CPQ: variants seen among roughly 807,000 people sequenced by gnomAD.
CPQ encodes the protein Ser-Met dipeptidase.
CPQ carries 37 observed loss-of-function variants against 45.7 expected under a neutral mutation model. That is an observed-to-expected ratio of 0.81 (90% CI 0.62 to 1.07). The LOEUF is 1.07. Ranked by LOEUF, CPQ falls within the 50% of genes least tolerant of loss-of-function variation. The pLI is 0.00. For synonymous variants in CPQ, 186 were observed against 205.8 expected (o/e 0.90, Z 0.82); for missense variants, 537 against 572.9 (o/e 0.94, Z 0.64).
intron 5 of CPQ, among the ~76,000 whole-genome samples, chr8:97,017,010 C>A (rs2130448546): frequency 6.6e-6 from 1 of 152,224 alleles, no homozygotes; most frequent in Middle Eastern, 3.4e-3. Flanking sequence ...CCAAGAGAAC[C>A]CATAGACCCT....
chr8:96,766,088 A>G (rs1280686951), intron 1 of CPQ, among the ~76,000 whole-genome samples: 1 of 152,184 alleles, frequency 6.6e-6, no homozygotes, highest in Non-Finnish European at 1.5e-5. Context: ...CTCTATGACA[A>G]TGAGCAAATC....
intron 7 of CPQ, among the ~76,000 whole-genome samples, chr8:97,104,359 G>T (rs778498319): frequency 6.6e-6 from 1 of 151,950 alleles, no homozygotes; most frequent in Non-Finnish European, 1.5e-5. Context: ...CTATAATTTC[G>T]CTCTGGCTTC....
In CPQ at chr8:97,104,166, G is replaced by C. The variant is rs754398923; in HGVS notation, c.1255+37956G>C. 3.3e-5 allele frequency among the ~76,000 whole-genome samples: 5 copies of C among 152,230 alleles called. No individual in the cohort carries two copies. The East Asian group carries it at 9.6e-4, about 29-fold the overall frequency. ...GCTTCTAAATAATGATCATATCAAA[G>C]GTTTGCCTTTGGTTTCTGCTTATGA... is the stretch of plus-strand genomic sequence containing the variant. On this transcript the variant is annotated intron_variant, in intron 7 of 7. Transcript: ENST00000220763.
chr8:96,882,043 A>T (rs1812230632), intron 4 of CPQ, among the ~76,000 whole-genome samples: 1 of 152,204 alleles, frequency 6.6e-6, no homozygotes, highest in Non-Finnish European at 1.5e-5. Context: ...GCATTTGGTG[A>T]TGGAGAAACA....
intron 6 of CPQ, among the ~76,000 whole-genome samples, chr8:97,046,961 G>GT (rs201608185): frequency 0.016 from 2,477 of 151,940 alleles, 29 homozygotes; most frequent in Non-Finnish European, 0.024. Context: ...AAAGTAATTT[G>GT]TTTTTTTTCA....
chr8:97,098,755 T>C (rs1278918624), intron 7 of CPQ, among the ~76,000 whole-genome samples: 2 of 151,886 alleles, frequency 1.3e-5, no homozygotes, highest in Non-Finnish European at 1.5e-5. Context: ...TTGAGAAAAA[T>C]TAGCAGTAGA....
Position 96,737,355 on chromosome 8 carries a change from G to GATATATAT in CPQ, c.-34-47502_-34-47495dup, listed in dbSNP as rs372241683. On this transcript the variant is annotated intron_variant, in intron 1 of 7. Coordinates refer to ENST00000220763, the MANE Select transcript of CPQ (RefSeq NM_016134.4). ...ACACACTCACACAGAACTAATAGGAGATATATATATATATGAGTTTATTAA... is the reference window on the plus strand; with the variant it reads ...ACACACTCACACAGAACTAATAGGAGATATATATATATATATATATATGAGTTTATTAA... Among the ~76,000 whole-genome samples, 14 of 118,012 alleles carry GATATATAT rather than the reference G, an allele frequency of 1.2e-4. 1 individual carries two copies. Among genetic ancestry groups the GATATATAT allele is most frequent in the East Asian group, 4.7e-4 (2 of 4,238 alleles). The allele number at this position is 118,012 out of a possible 152,430, so 77.4% of individuals were successfully genotyped here. A position where few individuals can be genotyped will look rare whatever the true frequency, so the allele number is the denominator to read the frequency against.
chr8:97,014,137 G>C (rs1344354737), intron 5 of CPQ, among the ~76,000 whole-genome samples: 1 of 152,140 alleles, frequency 6.6e-6, no homozygotes, highest in Non-Finnish European at 1.5e-5. Context: ...CGAGAGGATT[G>C]GTGGAAGCAG....
At chr8:96,860,251 C>T (rs1326289250) in intron 3 of CPQ, among the ~76,000 whole-genome samples, 2 of 152,014 alleles carry the variant, frequency 1.3e-5, no homozygotes, top group African/African-American at 4.8e-5. Context: ...TCTAAGACAC[C>T]AAGTGAGTAA....
chr8:96,868,857 T>C (rs1396106234), intron 3 of CPQ, among the ~76,000 whole-genome samples: 1 of 152,002 alleles, frequency 6.6e-6, no homozygotes, highest in Non-Finnish European at 1.5e-5. Context: ...TCCACTGAAA[T>C]TGAACACCGT....
intron 7 of CPQ, among the ~76,000 whole-genome samples, chr8:97,074,908 A>G (rs1810816069): frequency 6.6e-6 from 1 of 152,162 alleles, no homozygotes; most frequent in Non-Finnish European, 1.5e-5. Flanking sequence ...GCAGTGGGCA[A>G]TGAGAATAGG....
chr8:96,712,501 G>A (rs773384096), intron 1 of CPQ, among the ~76,000 whole-genome samples: 24 of 152,158 alleles, frequency 1.6e-4, no homozygotes, highest in Non-Finnish European at 3.1e-4. Context: ...TGAAATCTAG[G>A]CAGAGCTTCC....
chr8:96,649,484 G>T (rs1815554258), intron 1 of CPQ, among the ~76,000 whole-genome samples: 1 of 152,234 alleles, frequency 6.6e-6, no homozygotes, highest in Admixed American at 6.5e-5. Context: ...TTTGAAGACA[G>T]AGCAGGATTA....
chr8:96,797,646 G>T (rs540806986), intron 2 of CPQ, among the ~76,000 whole-genome samples: 1 of 152,170 alleles, frequency 6.6e-6, no homozygotes, highest in African/African-American at 2.4e-5. Flanking sequence ...GCTGGGTGCG[G>T]TGGCTCACGC....
intron 6 of CPQ, among the ~76,000 whole-genome samples, chr8:97,061,432 A>C (rs1343483118): frequency 6.6e-6 from 1 of 152,138 alleles, no homozygotes; most frequent in East Asian, 1.9e-4. Context: ...GTGGCCTGAC[A>C]GAAGTGACTT....
intron 1 of CPQ, among the ~76,000 whole-genome samples, chr8:96,649,650 C>T (rs573230079): frequency 2.0e-5 from 3 of 152,300 alleles, no homozygotes; most frequent in Non-Finnish European, 4.4e-5. Flanking sequence ...GCAGAGGTAG[C>T]TGTGGAACAT....
chr8:96,825,077 G>T (rs118004436), intron 2 of CPQ, among the ~76,000 whole-genome samples: 1 of 151,972 alleles, frequency 6.6e-6, no homozygotes, highest in Non-Finnish European at 1.5e-5. Flanking sequence ...GTTTGGGTAG[G>T]ATTGGCCCCT....
intron 1 of CPQ, among the ~76,000 whole-genome samples, chr8:96,763,016 T>C (rs953432223): frequency 1.3e-5 from 2 of 152,122 alleles, no homozygotes; most frequent in African/African-American, 4.8e-5. Flanking sequence ...AGGGTTGGTT[T>C]CTTCTGAGGC....
chr8:97,020,895 CA>C (rs1244101948), intron 5 of CPQ, among the ~76,000 whole-genome samples: 2 of 151,992 alleles, frequency 1.3e-5, no homozygotes, highest in African/African-American at 4.8e-5. Context: ...ACCCTAATAC[CA>C]AAACCAGGAA....
Sources: gnomAD v4.1 joint callset for allele counts (sites outside exome capture counted in the v4.1 genomes callset) on GRCh38, gnomAD v4.1.1 for gene constraint, MANE v1.5 for transcripts, NCBI Gene and HGNC (gene_info 2026-07-23, HGNC 2026-07-21) for gene names.